Variants in AGMO observed in about 807,000 individuals in gnomAD.
AGMO encodes the protein glyceryl-ether monooxygenase.
In AGMO, 75 loss-of-function variants were observed where a neutral mutation model predicts 60.2. That is an observed-to-expected ratio of 1.25 (90% CI 1.03 to 1.51). AGMO has a LOEUF of 1.51. Ranked by LOEUF, AGMO falls within the 40% of genes most tolerant of loss-of-function variation. The pLI is 0.00. For missense variants in AGMO, 763 were observed against 525.5 expected (o/e 1.45, Z -4.42); for synonymous variants, 261 against 177.1 (o/e 1.47, Z -3.76).
the AGMO span, among the ~76,000 whole-genome samples, chr7:15,168,256 A>C: frequency 6.6e-6 from 1 of 152,226 alleles, no homozygotes; most frequent in South Asian, 2.1e-4. Context: ...GATCGCCAGC[A>C]TACGCTGGTG....
the AGMO span, among the ~76,000 whole-genome samples, chr7:15,193,161 GC>G: frequency 4.6e-4 from 70 of 152,144 alleles, no homozygotes; most frequent in African/African-American, 1.7e-3. Flanking sequence ...ACTTTTCTCT[GC>G]ATAACACTTA....
At chr7:15,450,289 G>A (rs1022966233) in intron 3 of AGMO, among the ~76,000 whole-genome samples, 2 of 151,682 alleles carry the variant, frequency 1.3e-5, no homozygotes, top group South Asian at 2.1e-4. Context: ...GCATGGTGGC[G>A]GGCGCATGTA....
Position 15,549,661 on chromosome 7 carries a change from A to C in AGMO, c.258-4738T>G, listed in dbSNP as rs1019932594. On this transcript the variant is annotated intron_variant, in intron 2 of 12. Transcript: ENST00000342526. ...ACCCAATACAGGAGCACCCAGATTCATAAAGCAAGTCCTGAGTGACCTACA... is the reference window on the plus strand; with the variant it reads ...ACCCAATACAGGAGCACCCAGATTCCTAAAGCAAGTCCTGAGTGACCTACA... Among the ~76,000 whole-genome samples, 9 of 150,088 alleles carry C rather than the reference A, an allele frequency of 6.0e-5. No homozygotes were observed. The South Asian group carries it at 6.3e-4, about 11-fold the overall frequency.
chr7:15,387,733 G>A lies in AGMO; in HGVS notation c.823-193C>T, dbSNP rs575793473. Among the ~76,000 whole-genome samples the A allele has an allele frequency of 9.2e-5, 14 of 152,154 alleles. No homozygotes were observed. In the East Asian group the frequency reaches 1.7e-3, roughly 19 times the overall value. ...CTATGCACTGTATACCATTAAGTGC[G>A]TTGTTGTCAATATATCTAAAGTTCA... is the stretch of plus-strand genomic sequence containing the variant. On this transcript the variant is annotated intron_variant, in intron 8 of 12. Coordinates refer to ENST00000342526, the MANE Select transcript of AGMO (RefSeq NM_001004320.2).
intron 12 of AGMO, among the ~76,000 whole-genome samples, chr7:15,352,947 C>T (rs1477181847): frequency 2.0e-5 from 3 of 151,990 alleles, no homozygotes; most frequent in African/African-American, 7.3e-5. Context: ...ATATTTCAAA[C>T]GCAGCGGCCA....
At chr7:15,319,752 G>GA (rs756650113) in intron 12 of AGMO, among the ~76,000 whole-genome samples, 1 of 152,162 alleles carries the variant, frequency 6.6e-6, no homozygotes, top group Middle Eastern at 3.4e-3. Flanking sequence ...CAATGGAATA[G>GA]ACTCACTTCC....
chr7:15,438,762 T>A (rs998362095), intron 3 of AGMO, among the ~76,000 whole-genome samples: 3 of 152,208 alleles, frequency 2.0e-5, no homozygotes, highest in African/African-American at 7.2e-5. Context: ...GAGTACCCCC[T>A]GACCCATACT....
intron 12 of AGMO, among the ~76,000 whole-genome samples, chr7:15,343,497 A>G (rs999383504): frequency 1.3e-5 from 2 of 152,162 alleles, no homozygotes; most frequent in East Asian, 3.8e-4. Context: ...TTTTTAGTAC[A>G]TACAGGTTTA....
At chr7:15,548,152 A>G (rs1394896490) in intron 2 of AGMO, among the ~76,000 whole-genome samples, 1 of 152,112 alleles carries the variant, frequency 6.6e-6, no homozygotes, top group Non-Finnish European at 1.5e-5. Context: ...CATCCACATC[A>G]AAAACCCATC....
At chr7:15,315,304 A>T (rs1478527549) in intron 12 of AGMO, among the ~76,000 whole-genome samples, 1 of 150,378 alleles carries the variant, frequency 6.6e-6, no homozygotes, top group Non-Finnish European at 1.5e-5. Flanking sequence ...ATTAAGATAT[A>T]AGCAAAACTT....
At chr7:15,268,888 T>C (rs1006309326) in intron 12 of AGMO, among the ~76,000 whole-genome samples, 2 of 152,060 alleles carry the variant, frequency 1.3e-5, no homozygotes, top group South Asian at 4.1e-4. Context: ...TGGGAATGCA[T>C]CTTACTAGGA....
In AGMO at chr7:15,304,205, T is replaced by C. The variant is rs187709157; in HGVS notation, c.1263+61309A>G. Among the ~76,000 whole-genome samples, 4 of 152,282 alleles carry C rather than the reference T, an allele frequency of 2.6e-5. No individual in the cohort carries two copies. In the East Asian group the frequency reaches 7.7e-4, roughly 29 times the overall value. On this transcript the variant is annotated intron_variant, in intron 12 of 12. Transcript: ENST00000342526. Reference sequence around the variant, plus strand: ...CATTACAATACAAATGAAAGTTAACTTTAAATGTCTTGACCTACATAAACT... The same window carrying C: ...CATTACAATACAAATGAAAGTTAACCTTAAATGTCTTGACCTACATAAACT...
chr7:15,210,980 T>G (rs1442842972), intron 12 of AGMO, among the ~76,000 whole-genome samples: 1 of 151,972 alleles, frequency 6.6e-6, no homozygotes, highest in African/African-American at 2.4e-5. Context: ...ATAAGTAAAT[T>G]AGTGAATAGA....
intron 3 of AGMO, among the ~76,000 whole-genome samples, chr7:15,452,935 G>T (rs1781893285): frequency 6.6e-6 from 1 of 152,180 alleles, no homozygotes; most frequent in Non-Finnish European, 1.5e-5. Context: ...GAATGAACTT[G>T]GAAATGTTAT....
chr7:15,191,275 C>T, the AGMO span, among the ~76,000 whole-genome samples: 79 of 152,256 alleles, frequency 5.2e-4, no homozygotes, highest in African/African-American at 1.8e-3. Context: ...CCAAGTAACA[C>T]GATATCTTGC....
chr7:15,175,214 A>T, the AGMO span, among the ~76,000 whole-genome samples: 1 of 151,974 alleles, frequency 6.6e-6, no homozygotes. Context: ...GCCTTCAGAA[A>T]GCAAACATAT....
At chr7:15,278,440 C>T (rs1002091807) in intron 12 of AGMO, among the ~76,000 whole-genome samples, 1 of 152,156 alleles carries the variant, frequency 6.6e-6, no homozygotes, top group Middle Eastern at 3.4e-3. Flanking sequence ...AGGGACTGGA[C>T]TGGGACTGGG....
At chr7:15,551,037 C>G (rs1399558742) in intron 2 of AGMO, among the ~76,000 whole-genome samples, 14 of 149,674 alleles carry the variant, frequency 9.4e-5, no homozygotes, top group Non-Finnish European at 1.8e-4. Context: ...AAATGTAATC[C>G]AGCATATAAA....
the AGMO span, among the ~76,000 whole-genome samples, chr7:15,131,370 G>A: frequency 2.0e-4 from 30 of 152,108 alleles, no homozygotes; most frequent in African/African-American, 6.5e-4. Context: ...TAACTCCTGG[G>A]CAGCACAGCT....
Sources: allele counts gnomAD v4.1 joint callset (sites outside exome capture counted in the v4.1 genomes callset), GRCh38; gene constraint gnomAD v4.1.1; transcripts MANE v1.5; gene names NCBI Gene and HGNC (gene_info 2026-07-23, HGNC 2026-07-21).